The following PLS1 variants were observed in gnomAD, a reference collection of about 807,000 sequenced individuals.
PLS1 encodes plastin-1.
PLS1 carries 32 observed loss-of-function variants against 73.7 expected under a neutral mutation model. That is an observed-to-expected ratio of 0.43 (90% CI 0.33 to 0.58). The LOEUF is 0.58. Ranked by LOEUF, PLS1 falls within the 20% of genes least tolerant of loss-of-function variation. The pLI, the probability that PLS1 is intolerant of heterozygous loss-of-function variation, is 0.04. For synonymous variants in PLS1, 217 were observed against 261.3 expected (o/e 0.83, Z 1.63); for missense variants, 633 against 740.5 (o/e 0.85, Z 1.68).
intron 1 of PLS1, among the ~76,000 whole-genome samples, chr3:142,608,941 T>C (rs1390746707): frequency 2.0e-5 from 3 of 152,230 alleles, no homozygotes; most frequent in African/African-American, 4.8e-5. Flanking sequence ...CATTGCTCAA[T>C]GTATGTCTTA....
intron 11 of PLS1, among the ~76,000 whole-genome samples, chr3:142,696,600 A>G (rs917551497): frequency 6.6e-6 from 1 of 151,992 alleles, no homozygotes; most frequent in African/African-American, 2.4e-5. Context: ...CTCTTCTCTA[A>G]AATGTTATAT....
intron 1 of PLS1, among the ~76,000 whole-genome samples, chr3:142,613,942 C>T (rs73228768): frequency 1.8e-3 from 277 of 152,264 alleles, no homozygotes; most frequent in Non-Finnish European, 3.0e-3. Context: ...AAATTAGTTG[C>T]ACCATAAAAT....
intron 1 of PLS1, among the ~76,000 whole-genome samples, chr3:142,628,411 A>G (rs1560037346): frequency 6.6e-6 from 1 of 150,964 alleles, no homozygotes; most frequent in Non-Finnish European, 1.5e-5. Context: ...GTGCATGCAT[A>G]TGTGTATGTG....
intron 11 of PLS1, among the ~76,000 whole-genome samples, chr3:142,695,611 A>AT (rs1361418588): frequency 7.2e-5 from 11 of 152,326 alleles, no homozygotes; most frequent in Admixed American, 7.2e-4. Flanking sequence ...TAGTCAAGAA[A>AT]AAAGAATAAC....
At chr3:142,630,841 A>G (rs2036541347) in intron 1 of PLS1, among the ~76,000 whole-genome samples, 1 of 152,138 alleles carries the variant, frequency 6.6e-6, no homozygotes, top group Non-Finnish European at 1.5e-5. Context: ...TGCTTTCAAA[A>G]TATACTACAA....
At chr3:142,703,820 A>T in intron 12 of PLS1, 48 bp from the exon 13 acceptor site, 1 of 1,317,758 alleles carries the variant, frequency 7.6e-7, no homozygotes, top group East Asian at 2.3e-5. Flanking sequence ...TATTCTGGAG[A>T]TATGTTTTTA....
At chr3:142,688,156 T>C (rs1394481945) in intron 9 of PLS1, among the ~76,000 whole-genome samples, 2 of 151,954 alleles carry the variant, frequency 1.3e-5, no homozygotes, top group Non-Finnish European at 2.9e-5. Context: ...CCATGTTGGC[T>C]AGGCTGGTAT....
Position 142,712,174 on chromosome 3 carries a change from C to G in PLS1, c.*167C>G. ...TTCATACTAGTTAGAGCTGGTCAGCCTTTTTGGGTAACACAGTTAATTTAC... is the reference window on the plus strand; with the variant it reads ...TTCATACTAGTTAGAGCTGGTCAGCGTTTTTGGGTAACACAGTTAATTTAC... On this transcript the variant is annotated 3_prime_UTR_variant, in exon 16 of 16. Transcript: ENST00000457734. 1.8e-6 allele frequency: 1 copy of G among 544,502 alleles called. No homozygotes were observed. Among genetic ancestry groups the G allele is most frequent in the Admixed American group, 3.4e-5 (1 of 29,764 alleles). The allele number at this position is 544,502 out of a possible 1,614,324, so 33.7% of individuals were successfully genotyped here. A position where few individuals can be genotyped will look rare whatever the true frequency, so the allele number is the denominator to read the frequency against.
At chr3:142,653,111 C>T (rs948126438) in intron 1 of PLS1, among the ~76,000 whole-genome samples, 1 of 152,196 alleles carries the variant, frequency 6.6e-6, no homozygotes, top group Admixed American at 6.5e-5. Flanking sequence ...CCGCCCCTGA[C>T]TTGCACTTAG....
At chr3:142,699,853 A>G (rs1457464915) in intron 12 of PLS1, among the ~76,000 whole-genome samples, 2 of 152,196 alleles carry the variant, frequency 1.3e-5, no homozygotes, top group Non-Finnish European at 2.9e-5. Flanking sequence ...ATAATTATAA[A>G]GAGTTACTCG....
At chr3:142,656,539 A>G (rs1278420476) in intron 1 of PLS1, 1 of 152,260 alleles carries the variant, frequency 6.6e-6, no homozygotes, top group East Asian at 1.9e-4. Flanking sequence ...ACAGGTTGAT[A>G]TGGAATATGA....
At chr3:142,624,853 A>G (rs539649886) in intron 1 of PLS1, among the ~76,000 whole-genome samples, 20 of 152,336 alleles carry the variant, frequency 1.3e-4, no homozygotes, top group Admixed American at 3.9e-4. Flanking sequence ...CCTTTCCTCT[A>G]TTATACCTGG....
chr3:142,638,755 T>G (rs1433026594), intron 1 of PLS1, among the ~76,000 whole-genome samples: 1 of 150,920 alleles, frequency 6.6e-6, no homozygotes, highest in African/African-American at 2.5e-5. Flanking sequence ...TTTATTTTAT[T>G]TTTGAGATGG....
intron 10 of PLS1, among the ~76,000 whole-genome samples, chr3:142,693,379 G>A (rs1054614910): frequency 9.9e-5 from 15 of 152,074 alleles, no homozygotes; most frequent in Non-Finnish European, 1.8e-4. Context: ...CGCTCTATAC[G>A]AACGAGCCCC....
chr3:142,638,350 T>C (rs922192899), intron 1 of PLS1, among the ~76,000 whole-genome samples: 1 of 152,198 alleles, frequency 6.6e-6, no homozygotes, highest in East Asian at 1.9e-4. Context: ...CAAAGCTCAG[T>C]TGAAGGCAAG....
chr3:142,663,014 A>G (rs1205076392), intron 1 of PLS1, among the ~76,000 whole-genome samples: 1 of 152,132 alleles, frequency 6.6e-6, no homozygotes, highest in Non-Finnish European at 1.5e-5. Context: ...GTTCGAGACC[A>G]GCCTGGCCAA....
chr3:142,630,277 G>A (rs187123182), intron 1 of PLS1, among the ~76,000 whole-genome samples: 15 of 151,634 alleles, frequency 9.9e-5, no homozygotes, highest in African/African-American at 3.4e-4. Flanking sequence ...AAAAACTATC[G>A]GGGCGTGGTG....
intron 14 of PLS1, among the ~76,000 whole-genome samples, chr3:142,707,460 T>C (rs1171697708): frequency 1.3e-5 from 2 of 152,228 alleles, no homozygotes; most frequent in Non-Finnish European, 2.9e-5. Flanking sequence ...ACTTTACACA[T>C]TGTTTAATTT....
At position 142,692,331 on chromosome 3, in the gene PLS1, T is replaced by G. The variant is rs77179162; in HGVS notation, c.1178-2138T>G. Among the ~76,000 whole-genome samples the G allele has an allele frequency of 8.9e-3, 1,353 of 152,238 alleles. 26 individuals are homozygous for G. Among genetic ancestry groups the G allele is most frequent in the East Asian group, 0.082 (427 of 5,190 alleles). On this transcript the variant is annotated intron_variant, in intron 10 of 15. Coordinates refer to ENST00000457734, the MANE Select transcript of PLS1 (RefSeq NM_001145319.2). ...TCTTTCAATCTTGTATATCAGCAAT[T>G]AAGATTTTACTTCTTGAAATTGTAT...
Sources: allele counts gnomAD v4.1 joint callset (sites outside exome capture counted in the v4.1 genomes callset), GRCh38; gene constraint gnomAD v4.1.1; transcripts MANE v1.5; gene names NCBI Gene and HGNC (gene_info 2026-07-23, HGNC 2026-07-21).